The following KIAA1217 variants were observed in gnomAD, a reference collection of about 807,000 sequenced individuals.
The protein encoded by KIAA1217 is KIAA1217, also known as sickle tail protein homolog.
In KIAA1217, 88 loss-of-function variants were observed where a neutral mutation model predicts 163.9. The ratio of observed to expected loss-of-function variants is 0.54; its 90% confidence interval spans 0.45 to 0.64. The LOEUF (loss-of-function observed/expected upper bound fraction) is 0.64, where lower values mean the gene tolerates loss of function less well. Among genes scored for constraint, KIAA1217 ranks in the 30% least tolerant of loss-of-function variants. The pLI, the probability that KIAA1217 is intolerant of heterozygous loss-of-function variation, is 0.00. For synonymous variants in KIAA1217, 903 were observed against 923.1 expected (o/e 0.98, Z 0.39); for missense variants, 2,372 against 2,475.0 (o/e 0.96, Z 0.88).
At chr10:24,288,728 A>T (rs2078802435) in intron 2 of KIAA1217, among the ~76,000 whole-genome samples, 1 of 152,208 alleles carries the variant, frequency 6.6e-6, no homozygotes, top group South Asian at 2.1e-4. Flanking sequence ...TTGGAAGCAA[A>T]GAGATCATGG....
At chr10:24,158,763 A>C in intron 2 of KIAA1217, 2 of 491,064 alleles carry the variant, frequency 4.1e-6, no homozygotes, top group South Asian at 3.2e-5. Flanking sequence ...CTTGTATCCA[A>C]AGCAATGGAG....
At chr10:24,544,927 G>A in intron 19 of KIAA1217, 54 bp from the exon 20 acceptor site, 1 of 1,588,392 alleles carries the variant, frequency 6.3e-7, no homozygotes, top group East Asian at 2.2e-5. Flanking sequence ...CCTCACAGAT[G>A]ACCTACTCAT....
chr10:24,125,322 CTG>C (rs58143239), intron 2 of KIAA1217, among the ~76,000 whole-genome samples: 15,608 of 143,610 alleles, frequency 0.11, 829 homozygotes, highest in Non-Finnish European at 0.13. Flanking sequence ...ATCCTATGCT[CTG>C]TGTGTGTGTG....
At chr10:24,181,798 CA>C (rs142533817) in intron 2 of KIAA1217, among the ~76,000 whole-genome samples, 2,102 of 152,266 alleles carry the variant, frequency 0.014, 53 homozygotes, top group African/African-American at 0.048. Flanking sequence ...AGGGAAGTGT[CA>C]AGGATGTCTC....
intron 1 of KIAA1217, among the ~76,000 whole-genome samples, chr10:23,893,854 T>C (rs2131221681): frequency 6.6e-6 from 1 of 152,226 alleles, no homozygotes; most frequent in South Asian, 2.1e-4. Flanking sequence ...TCAATAAATG[T>C]AATCCAGCAT....
chr10:23,827,054 C>A (rs1837930378), intron 1 of KIAA1217, among the ~76,000 whole-genome samples: 2 of 152,150 alleles, frequency 1.3e-5, no homozygotes, highest in Admixed American at 1.3e-4. Context: ...GAGATCAGCA[C>A]ACAAATTCAG....
intron 1 of KIAA1217, among the ~76,000 whole-genome samples, chr10:23,972,024 A>C (rs1282547192): frequency 6.6e-6 from 1 of 152,188 alleles, no homozygotes; most frequent in Non-Finnish European, 1.5e-5. Context: ...GAACCAATGA[A>C]TATCTAACAT....
intron 2 of KIAA1217, among the ~76,000 whole-genome samples, chr10:24,348,615 G>T (rs2048086471): frequency 6.6e-6 from 1 of 152,294 alleles, no homozygotes; most frequent in South Asian, 2.1e-4. Context: ...AAAATGGGAA[G>T]TTAGTAAAAT....
chr10:23,873,475 T>A (rs1261545726), intron 1 of KIAA1217, among the ~76,000 whole-genome samples: 2 of 152,038 alleles, frequency 1.3e-5, no homozygotes, highest in African/African-American at 4.8e-5. Flanking sequence ...GCATCCGGCC[T>A]TACTCATAAG....
intron 2 of KIAA1217, among the ~76,000 whole-genome samples, chr10:24,100,365 A>G (rs12354575): frequency 0.05 from 7,681 of 152,276 alleles, 248 homozygotes; most frequent in African/African-American, 0.087. Context: ...ACTCGGTATG[A>G]AGCCCAGGAG....
intron 9 of KIAA1217, among the ~76,000 whole-genome samples, chr10:24,503,278 G>C (rs975314731): frequency 5.3e-5 from 8 of 152,182 alleles, no homozygotes; most frequent in Admixed American, 1.3e-4. Context: ...ATCTCCAAAG[G>C]CTACTCTGTC....
chr10:23,699,747 C>T (rs1020058129), intron 1 of KIAA1217, among the ~76,000 whole-genome samples: 1 of 152,220 alleles, frequency 6.6e-6, no homozygotes, highest in Non-Finnish European at 1.5e-5. Context: ...ACCTTGGCCT[C>T]CCAAAGTGCT....
At chr10:24,449,875 C>T (rs1311748628) in intron 5 of KIAA1217, 10 of 378,694 alleles carry the variant, frequency 2.6e-5, no homozygotes, top group Admixed American at 1.3e-4. Context: ...ATGCAATAGG[C>T]GATTGCAATT....
chr10:23,741,467 C>G (rs1326084675), intron 1 of KIAA1217, among the ~76,000 whole-genome samples: 1 of 152,162 alleles, frequency 6.6e-6, no homozygotes, highest in Non-Finnish European at 1.5e-5. Flanking sequence ...CCTGTTCAAT[C>G]CTTCAGGTCA....
intron 4 of KIAA1217, among the ~76,000 whole-genome samples, chr10:24,435,734 A>G (rs1466857486): frequency 6.6e-6 from 1 of 152,200 alleles, no homozygotes; most frequent in African/African-American, 2.4e-5. Flanking sequence ...AGGGAGGAAA[A>G]AGAAGAAAAG....
chr10:24,316,917 C>T (rs1231649713), intron 2 of KIAA1217, among the ~76,000 whole-genome samples: 1 of 152,140 alleles, frequency 6.6e-6, no homozygotes, highest in Non-Finnish European at 1.5e-5. Context: ...TCAAATGGTT[C>T]TGAGGATACT....
intron 1 of KIAA1217, among the ~76,000 whole-genome samples, chr10:23,805,179 AATATAAAAATTGTTCTATT>A (rs1239713355): frequency 6.6e-6 from 1 of 152,194 alleles, no homozygotes; most frequent in Non-Finnish European, 1.5e-5. Context: ...TATCCAAAGG[AATATAAAAATTGTTCTATT>A]ATAAAGACAC....
intron 1 of KIAA1217, among the ~76,000 whole-genome samples, chr10:23,926,706 C>T (rs1843035028): frequency 6.7e-6 from 1 of 150,134 alleles, no homozygotes; most frequent in Non-Finnish European, 1.5e-5. Flanking sequence ...GCCTGGGTGA[C>T]AGAGCAAGAT....
chr10:23,818,604 A>G (rs1837476714), intron 1 of KIAA1217, among the ~76,000 whole-genome samples: 1 of 152,016 alleles, frequency 6.6e-6, no homozygotes, highest in Non-Finnish European at 1.5e-5. Context: ...TCAGCGACAG[A>G]AACCAAAACC....
Sources: allele counts gnomAD v4.1 joint callset (sites outside exome capture counted in the v4.1 genomes callset), GRCh38; gene constraint gnomAD v4.1.1; transcripts MANE v1.5; gene names NCBI Gene and HGNC (gene_info 2026-07-23, HGNC 2026-07-21).